The following ECT2L variants were observed in gnomAD, a reference collection of about 807,000 sequenced individuals.
The protein encoded by ECT2L is epithelial cell-transforming sequence 2 oncogene-like.
Under a neutral mutation model 122.8 loss-of-function variants are expected in ECT2L, and 126 were observed. That is an observed-to-expected ratio of 1.03 (90% CI 0.89 to 1.19). The LOEUF (loss-of-function observed/expected upper bound fraction) is 1.19, where lower values mean the gene tolerates loss of function less well. Among genes scored for constraint, ECT2L ranks in the 50% most tolerant of loss-of-function variants. The pLI, the probability that ECT2L is intolerant of heterozygous loss-of-function variation, is 0.00. For synonymous variants in ECT2L, 385 were observed against 381.8 expected (o/e 1.01, Z -0.10); for missense variants, 1,012 against 1,064.1 (o/e 0.95, Z 0.68).
intron 8 of ECT2L, among the ~76,000 whole-genome samples, 165 bp downstream of exon 8, chr6:138,846,842 G>T (rs1028324552): frequency 6.6e-6 from 1 of 151,500 alleles, no homozygotes; most frequent in African/African-American, 2.4e-5. Flanking sequence ...ACTAACTGTA[G>T]TCCCAGCTAC....
In ECT2L at chr6:138,902,674, C is replaced by T. The variant is rs1779445138; in HGVS notation, c.*47C>T. 19 of 1,606,560 alleles carry T rather than the reference C, an allele frequency of 1.2e-5. No homozygotes were observed. The highest frequency in any genetic ancestry group is 1.4e-5 in the Non-Finnish European group (17 of 1,175,970). ...GGGTGCCAATTCTCCCCAGCAAAGA[C>T]AGACAACATGTATTTTCTGTTCCAA... On this transcript the variant is annotated 3_prime_UTR_variant, in exon 22 of 22. Coordinates refer to ENST00000541398, the MANE Select transcript of ECT2L (RefSeq NM_001077706.3).
intron 13 of ECT2L, chr6:138,870,169 G>C (rs1456153682): frequency 6.6e-6 from 1 of 152,608 alleles, no homozygotes; most frequent in Admixed American, 6.5e-5. Context: ...CATTTTTCTT[G>C]CGGGGGGGTT....
At chr6:138,874,167 G>A (rs1432768815) in intron 13 of ECT2L, among the ~76,000 whole-genome samples, 1 of 152,020 alleles carries the variant, frequency 6.6e-6, no homozygotes, top group African/African-American at 2.4e-5. Flanking sequence ...AATGTCTCTG[G>A]AAAATAGTGT....
At chr6:138,805,099 G>A (rs1183601829) in intron 1 of ECT2L, among the ~76,000 whole-genome samples, 1 of 152,192 alleles carries the variant, frequency 6.6e-6, no homozygotes, top group Non-Finnish European at 1.5e-5. Context: ...TTTATTCGCA[G>A]CTTCCTCTGT....
At chr6:138,870,735 G>A (rs1037016094) in intron 13 of ECT2L, among the ~76,000 whole-genome samples, 2 of 152,144 alleles carry the variant, frequency 1.3e-5, no homozygotes, top group African/African-American at 4.8e-5. Context: ...CTGGCTGGGC[G>A]CGGTGGCTCA....
At position 138,806,511 on chromosome 6, in the gene ECT2L, C is replaced by CTTCT. The variant is rs530723007; in HGVS notation, c.-243-6325_-243-6324insCTTT. 2.6e-4 allele frequency among the ~76,000 whole-genome samples: 23 copies of CTTCT among 89,666 alleles called. No homozygotes were observed. In the East Asian group the frequency reaches 2.9e-3, roughly 11 times the overall value. The allele number at this position is 89,666 out of a possible 152,430, so 58.8% of individuals were successfully genotyped here. On this transcript the variant is annotated intron_variant, in intron 1 of 21. Transcript: ENST00000541398. Reference sequence around the variant, plus strand: ...TCCCCTGTGCAGCTGAAAATTCACGCTTTTTTTTTTTTTTTTTTTGAGATG... The same window carrying CTTCT: ...TCCCCTGTGCAGCTGAAAATTCACGCTTCTTTTTTTTTTTTTTTTTTTTGAGATG...
At chr6:138,805,906 T>C (rs1293549228) in intron 1 of ECT2L, among the ~76,000 whole-genome samples, 1 of 152,218 alleles carries the variant, frequency 6.6e-6, no homozygotes, top group African/African-American at 2.4e-5. Flanking sequence ...CACCTCTTGA[T>C]GGAGAACTGG....
At chr6:138,890,492 CTTTTTTTTTTTTT>C (rs552594959) in intron 20 of ECT2L, among the ~76,000 whole-genome samples, 1,769 of 79,026 alleles carry the variant, frequency 0.022, 43 homozygotes, top group South Asian at 0.049. Flanking sequence ...TTTCTTTGAT[CTTTTTTTTTTTTT>C]TTTTTTTTTT....
chr6:138,812,615 G>T (rs1396732342), intron 1 of ECT2L, among the ~76,000 whole-genome samples: 4 of 152,048 alleles, frequency 2.6e-5, no homozygotes, highest in East Asian at 1.9e-4. Flanking sequence ...GACCAGCCTG[G>T]CCAACATGGT....
chr6:138,840,762 T>C (rs1777011642), intron 5 of ECT2L, among the ~76,000 whole-genome samples: 1 of 152,088 alleles, frequency 6.6e-6, no homozygotes, highest in South Asian at 2.1e-4. Flanking sequence ...TTTGTATGTA[T>C]CTTGTTTTGT....
At chr6:138,859,163 T>C (rs972592052) in intron 10 of ECT2L, among the ~76,000 whole-genome samples, 1 of 152,234 alleles carries the variant, frequency 6.6e-6, no homozygotes, top group Non-Finnish European at 1.5e-5. Context: ...AATGGCATCA[T>C]ACAGTATGTA....
intron 1 of ECT2L, among the ~76,000 whole-genome samples, chr6:138,807,943 T>C (rs1775766583): frequency 1.3e-5 from 2 of 151,912 alleles, no homozygotes; most frequent in Non-Finnish European, 2.9e-5. Flanking sequence ...AGTCCTGATA[T>C]CAAGTAGAGT....
chr6:138,831,796 G>A (rs936046114), intron 4 of ECT2L, among the ~76,000 whole-genome samples: 4 of 152,128 alleles, frequency 2.6e-5, no homozygotes, highest in Admixed American at 6.5e-5. Flanking sequence ...AAGTGAATCC[G>A]TGAACTGTAC....
intron 4 of ECT2L, among the ~76,000 whole-genome samples, chr6:138,817,313 T>C (rs1776102627): frequency 6.6e-6 from 1 of 152,210 alleles, no homozygotes; most frequent in Non-Finnish European, 1.5e-5. Context: ...AATTGCTGGG[T>C]CCAATGGTAG....
intron 19 of ECT2L, among the ~76,000 whole-genome samples, chr6:138,888,385 C>T (rs1200332316): frequency 6.8e-6 from 1 of 147,310 alleles, no homozygotes; most frequent in Non-Finnish European, 1.5e-5. Context: ...GGCACGATCT[C>T]GGCTCACTGC....
intron 10 of ECT2L, among the ~76,000 whole-genome samples, chr6:138,861,364 A>C (rs375368583): frequency 1.3e-5 from 2 of 152,100 alleles, no homozygotes. Flanking sequence ...AAGTATTCCT[A>C]TTTCTCCACA....
chr6:138,867,589 C>T (rs1011918085), intron 12 of ECT2L, among the ~76,000 whole-genome samples: 2 of 148,620 alleles, frequency 1.3e-5, no homozygotes, highest in Admixed American at 6.8e-5. Context: ...GCAGGAGGAT[C>T]ACTTGAGGTC....
At chr6:138,899,548 T>C (rs186719605) in intron 20 of ECT2L, among the ~76,000 whole-genome samples, 126 of 152,146 alleles carry the variant, frequency 8.3e-4, no homozygotes, top group African/African-American at 2.7e-3. Context: ...GGCTGTGCTA[T>C]GTGGAAAAGT....
intron 21 of ECT2L, among the ~76,000 whole-genome samples, chr6:138,902,299 A>G (rs1779427777): frequency 1.3e-5 from 2 of 152,240 alleles, no homozygotes; most frequent in South Asian, 2.1e-4. Flanking sequence ...GCTAATTACA[A>G]TAACTGTAAT....
Sources: allele counts gnomAD v4.1 joint callset (sites outside exome capture counted in the v4.1 genomes callset), GRCh38; gene constraint gnomAD v4.1.1; transcripts MANE v1.5; gene names NCBI Gene and HGNC (gene_info 2026-07-23, HGNC 2026-07-21).